The following AKAP10 variants were observed in gnomAD, a reference collection of about 807,000 sequenced individuals.
AKAP10 encodes A-kinase anchor protein 10, mitochondrial.
A neutral mutation model predicts 80.8 loss-of-function variants in AKAP10; 24 were observed. The observed-to-expected ratio is 0.30, with a 90% CI of 0.22 to 0.42. The LOEUF (loss-of-function observed/expected upper bound fraction) is 0.42, where lower values mean the gene tolerates loss of function less well. Ranked by LOEUF, AKAP10 falls within the 10% of genes least tolerant of loss-of-function variation. AKAP10 has a pLI of 1.00. For missense variants in AKAP10, 661 were observed against 794.9 expected (o/e 0.83, Z 2.03); for synonymous variants, 291 against 277.7 (o/e 1.05, Z -0.48).
chr17:19,906,147 G>T lies in AKAP10; in HGVS notation c.*80C>A. The T allele has an allele frequency of 2.8e-6, 4 of 1,438,240 alleles. No individual in the cohort carries two copies. Among genetic ancestry groups the T allele is most frequent in the South Asian group, 2.3e-5 (2 of 86,130 alleles). 89.1% of individuals were successfully genotyped at this position (1,438,240 alleles called of 1,614,324 possible). ...TCAGAAATATAGTGCTGTTTTCATT[G>T]GCTGTGTTGAAGAATCCAACCAAGG... On this transcript the variant is annotated 3_prime_UTR_variant, in exon 15 of 15. Coordinates refer to ENST00000225737, the MANE Select transcript of AKAP10 (RefSeq NM_007202.4).
intron 1 of AKAP10, among the ~76,000 whole-genome samples, chr17:19,974,537 A>C (rs2043541197): frequency 6.6e-6 from 1 of 152,118 alleles, no homozygotes; most frequent in Non-Finnish European, 1.5e-5. Flanking sequence ...TACAAACTGA[A>C]CCTAAAGTTG....
Position 19,951,200 on chromosome 17 carries a change from CCCGG to C in AKAP10, c.878-3699_878-3696del, listed in dbSNP as rs1437988649. On this transcript the variant is annotated intron_variant, in intron 4 of 14. Coordinates refer to ENST00000225737, the MANE Select transcript of AKAP10 (RefSeq NM_007202.4). ...GAGGGAGGTGGGGGGTCAGCCCCCG[CCCGG>C]CCAGCCGCCCCGTCCGGGAGGGAGG... Among the ~76,000 whole-genome samples the C allele has an allele frequency of 1.5e-4, 16 of 109,628 alleles. No homozygotes were observed. The East Asian group carries it at 2.5e-3, about 17-fold the overall frequency. The allele number at this position is 109,628 out of a possible 152,430, so 71.9% of individuals were successfully genotyped here. A position where few individuals can be genotyped will look rare whatever the true frequency, so the allele number is the denominator to read the frequency against.
intron 5 of AKAP10, among the ~76,000 whole-genome samples, chr17:19,943,586 C>T (rs984255845): frequency 7.9e-5 from 12 of 152,210 alleles, no homozygotes; most frequent in African/African-American, 2.9e-4. Context: ...CTTCCATCTG[C>T]CTGTTCAATC....
At chr17:19,934,629 A>G (rs2042973475) in intron 9 of AKAP10, among the ~76,000 whole-genome samples, 1 of 152,242 alleles carries the variant, frequency 6.6e-6, no homozygotes, top group South Asian at 2.1e-4. Context: ...TGTATTTTAT[A>G]TACATTACCT....
At chr17:19,927,637 C>T (rs990491218) in intron 10 of AKAP10, among the ~76,000 whole-genome samples, 2 of 151,614 alleles carry the variant, frequency 1.3e-5, no homozygotes, top group African/African-American at 2.4e-5. Flanking sequence ...TTGGCTGGGC[C>T]TGGTAGCTCA....
intron 10 of AKAP10, among the ~76,000 whole-genome samples, chr17:19,928,419 T>A (rs955257569): frequency 3.0e-4 from 45 of 152,162 alleles, no homozygotes; most frequent in Non-Finnish European, 2.9e-5. Context: ...GCCAAACAGA[T>A]AATAAGTTCC....
At chr17:19,918,985 G>C (rs1361283862) in intron 12 of AKAP10, among the ~76,000 whole-genome samples, 6 of 151,954 alleles carry the variant, frequency 3.9e-5, no homozygotes, top group Non-Finnish European at 8.8e-5. Flanking sequence ...GTGCAGCTTT[G>C]TTACATATGT....
chr17:19,949,969 A>C (rs908221122), intron 4 of AKAP10, among the ~76,000 whole-genome samples: 4 of 152,038 alleles, frequency 2.6e-5, no homozygotes, highest in African/African-American at 9.7e-5. Context: ...GCCACTAAAA[A>C]GCCTACATAA....
At position 19,961,254 on chromosome 17, in the gene AKAP10, T is replaced by TGAG. The variant is rs201831348; in HGVS notation, c.319+1583_319+1585dup. On this transcript the variant is annotated intron_variant, in intron 3 of 14. Transcript: ENST00000225737. ...CTATAGTCCCAGCTACTCAGGAGACTGAGGGAGGATCACCTGAACCTGAGG... is the reference window on the plus strand; with the variant it reads ...CTATAGTCCCAGCTACTCAGGAGACTGAGGAGGGAGGATCACCTGAACCTGAGG... Among the ~76,000 whole-genome samples, 792 of 150,962 alleles carry TGAG rather than the reference T, an allele frequency of 5.2e-3. 15 individuals carry two copies. In the East Asian group the frequency reaches 0.073, roughly 14 times the overall value.
chr17:19,956,372 A>C (rs1037990616), intron 4 of AKAP10, among the ~76,000 whole-genome samples: 13 of 152,142 alleles, frequency 8.5e-5, no homozygotes, highest in African/African-American at 3.1e-4. Flanking sequence ...AGCCACCAAC[A>C]GTCTGAATCC....
At chr17:19,910,986 A>G (rs533896828) in intron 12 of AKAP10, among the ~76,000 whole-genome samples, 10 of 152,310 alleles carry the variant, frequency 6.6e-5, no homozygotes, top group African/African-American at 2.4e-4. Context: ...TCACTTCCTA[A>G]CTTTGCTTTA....
chr17:19,963,024 T>G lies in AKAP10; in HGVS notation c.137-2A>C. 6.3e-7 allele frequency: 1 copy of G among 1,593,416 alleles called. No individual in the cohort carries two copies. The highest frequency in any genetic ancestry group is 8.6e-7 in the Non-Finnish European group (1 of 1,165,402). ...GTGGGGAATGTACGGATATTGAAGC[T>G]ATAATTTTTCAAAAAATTGTTAAGA... is the stretch of plus-strand genomic sequence containing the variant. On this transcript the variant is annotated splice_acceptor_variant, in intron 2 of 14. Transcript: ENST00000225737. LOFTEE classifies it high-confidence loss of function.
chr17:19,952,477 A>C (rs998358225), intron 4 of AKAP10, among the ~76,000 whole-genome samples: 10 of 151,146 alleles, frequency 6.6e-5, no homozygotes, highest in Non-Finnish European at 1.3e-4. Flanking sequence ...TAAATAAATA[A>C]ATAAATAAAT....
intron 2 of AKAP10, among the ~76,000 whole-genome samples, chr17:19,963,696 ACC>A (rs2043381295): frequency 6.6e-6 from 1 of 152,068 alleles, no homozygotes; most frequent in Non-Finnish European, 1.5e-5. Flanking sequence ...GGAGTTCAAG[ACC>A]AGCCTGACCA....
At chr17:19,951,199 G>A (rs1365978599) in intron 4 of AKAP10, among the ~76,000 whole-genome samples, 1 of 85,472 alleles carries the variant, frequency 1.2e-5, no homozygotes, top group African/African-American at 4.0e-5. Context: ...GTCAGCCCCC[G>A]CCCGGCCAGC....
rs1256183639 is a variant in AKAP10, at chr17:19,968,337, TATAACAGG to T, written c.136+69_136+76del. ...AAATGATTAATGCCAAAAGAGAGAG[TATAACAGG>T]ATTAAAGAACTCACAAATGCAAAGC... On this transcript the variant is annotated intron_variant, in intron 2 of 14. Transcript: ENST00000225737. The T allele has an allele frequency of 2.4e-5, 27 of 1,105,824 alleles. 1 individual carries two copies. The African/African-American group carries it at 4.1e-4, about 17-fold the overall frequency. 68.5% of individuals were successfully genotyped at this position (1,105,824 alleles called of 1,614,324 possible).
At position 19,909,162 on chromosome 17, in the gene AKAP10, A is replaced by C; in HGVS notation, c.1983+19T>G. 6.3e-7 allele frequency: 1 copy of C among 1,580,970 alleles called. No homozygotes were observed. The highest frequency in any genetic ancestry group is 1.2e-5 in the South Asian group (1 of 85,946). On this transcript the variant is annotated intron_variant, in intron 14 of 14. Coordinates refer to ENST00000225737, the MANE Select transcript of AKAP10 (RefSeq NM_007202.4). ...GAAAATAATACTTTTTAGTTTACACAAAACGAAGTCATCCTTACCTTTGTA... is the reference window on the plus strand; with the variant it reads ...GAAAATAATACTTTTTAGTTTACACCAAACGAAGTCATCCTTACCTTTGTA...
intron 3 of AKAP10, among the ~76,000 whole-genome samples, chr17:19,961,804 T>C (rs969192586): frequency 2.0e-5 from 3 of 152,202 alleles, no homozygotes; most frequent in Admixed American, 6.5e-5. Flanking sequence ...TTTTCCCACG[T>C]CTTTTTTAGA....
At chr17:19,919,615 C>T (rs2042788279) in intron 12 of AKAP10, among the ~76,000 whole-genome samples, 1 of 151,056 alleles carries the variant, frequency 6.6e-6, no homozygotes, top group African/African-American at 2.4e-5. Flanking sequence ...ACCTAGGAAG[C>T]AGAGGTTGCA....
Sources: allele counts gnomAD v4.1 joint callset (sites outside exome capture counted in the v4.1 genomes callset), GRCh38; gene constraint gnomAD v4.1.1; transcripts MANE v1.5; gene names NCBI Gene and HGNC (gene_info 2026-07-23, HGNC 2026-07-21).